The following ARID4B variants were observed in gnomAD, a reference collection of about 807,000 sequenced individuals.
ARID4B encodes the protein AT-rich interactive domain-containing protein 4B.
ARID4B carries 26 observed loss-of-function variants against 147.5 expected under a neutral mutation model. That is an observed-to-expected ratio of 0.18 (90% CI 0.13 to 0.24). ARID4B has a LOEUF of 0.24. ARID4B is among the 10% of genes least tolerant of loss of function. The probability of loss-of-function intolerance (pLI) is 1.00; values close to 1 mark genes in which losing one functional copy is unlikely to be tolerated. For missense variants in ARID4B, 1,179 were observed against 1,511.5 expected (o/e 0.78, Z 3.65); for synonymous variants, 512 against 507.9 (o/e 1.01, Z -0.11).
At chr1:235,300,628 T>A (rs1004194976) in intron 2 of ARID4B, among the ~76,000 whole-genome samples, 68 of 152,300 alleles carry the variant, frequency 4.5e-4, no homozygotes, top group Admixed American at 4.3e-3. Flanking sequence ...TCATCATTTT[T>A]AATTATTATT....
At chr1:235,261,980 T>C (rs761546533) in intron 2 of ARID4B, among the ~76,000 whole-genome samples, 61 of 152,328 alleles carry the variant, frequency 4.0e-4, no homozygotes, top group Admixed American at 3.3e-4. Flanking sequence ...GATTCATAAA[T>C]GTAAGCTAAA....
Position 235,222,062 on chromosome 1 carries a change from A to G in ARID4B, c.1066-400T>C, listed in dbSNP as rs761715367. 3.5e-4 allele frequency among the ~76,000 whole-genome samples: 53 copies of G among 151,734 alleles called. 1 individual carries two copies. Among genetic ancestry groups the G allele is most frequent in the Admixed American group, 3.4e-3 (52 of 15,250 alleles). On this transcript the variant is annotated intron_variant, in intron 13 of 23. Transcript: ENST00000264183. ...GTAGCTGGGACTATAGATGCACACC[A>G]CCACACCTGGCTAATTAAAAAATTT...
intron 19 of ARID4B, among the ~76,000 whole-genome samples, chr1:235,185,042 CTT>C (rs1052748198): frequency 1.3e-5 from 2 of 152,186 alleles, no homozygotes; most frequent in African/African-American, 4.8e-5. Context: ...ATCTCGAACT[CTT>C]GACCCCAAGT....
At chr1:235,249,033 AAAGAATACCAGAT>A (rs1669474855) in intron 6 of ARID4B, among the ~76,000 whole-genome samples, 1 of 152,204 alleles carries the variant, frequency 6.6e-6, no homozygotes, top group African/African-American at 2.4e-5. Context: ...AAATACAAAG[AAAGAATACCAGAT>A]AATTGGCTGG....
At chr1:235,190,309 G>A (rs973516689) in intron 19 of ARID4B, among the ~76,000 whole-genome samples, 11 of 152,032 alleles carry the variant, frequency 7.2e-5, no homozygotes, top group African/African-American at 1.4e-4. Flanking sequence ...CTAGCCAGGC[G>A]TGGTGGCAGG....
In ARID4B at chr1:235,168,766, CT is replaced by C. The variant is rs1663113873; in HGVS notation, c.3812-115del. On this transcript the variant is annotated intron_variant, in intron 23 of 23. Coordinates refer to ENST00000264183, the MANE Select transcript of ARID4B (RefSeq NM_016374.6). ...CGCTATATTGTCCAAAATCATTTAG[CT>C]TACAACAACAGTGGTCAATTCTCAC... 2.7e-6 allele frequency: 3 copies of C among 1,114,746 alleles called. No homozygotes were observed. In the South Asian group the frequency reaches 4.9e-5, roughly 18 times the overall value. 69.1% of individuals were successfully genotyped at this position (1,114,746 alleles called of 1,614,324 possible). A position where few individuals can be genotyped will look rare whatever the true frequency, so the allele number is the denominator to read the frequency against.
At chr1:235,179,130 C>G (rs1321823605) in intron 20 of ARID4B, among the ~76,000 whole-genome samples, 1 of 152,104 alleles carries the variant, frequency 6.6e-6, no homozygotes. Context: ...GAGGAAAAAA[C>G]TACATCTAAA....
intron 2 of ARID4B, among the ~76,000 whole-genome samples, chr1:235,315,968 C>G (rs1163462066): frequency 6.6e-6 from 1 of 151,924 alleles, no homozygotes; most frequent in Non-Finnish European, 1.5e-5. Context: ...TCACTCAAGC[C>G]TAGGAGTTCG....
rs190376906 is a variant in ARID4B at position 235,239,299 on chromosome 1, A to C, written c.585+1014T>G. Among the ~76,000 whole-genome samples the C allele has an allele frequency of 5.6e-4, 85 of 152,286 alleles. No individual in the cohort carries two copies. In the East Asian group the frequency reaches 0.014, roughly 24 times the overall value. On this transcript the variant is annotated intron_variant, in intron 8 of 23. Coordinates refer to ENST00000264183, the MANE Select transcript of ARID4B (RefSeq NM_016374.6). ...AGATAATTCTTAAGAGATACTGATT[A>C]TTAACTTCAGTCTCCTACTTGAAAT...
intron 2 of ARID4B, among the ~76,000 whole-genome samples, chr1:235,281,307 T>C (rs1671655011): frequency 2.6e-5 from 4 of 151,922 alleles, no homozygotes; most frequent in Admixed American, 2.6e-4. Flanking sequence ...TCTCAGCACT[T>C]TGGGAGGCTG....
intron 2 of ARID4B, among the ~76,000 whole-genome samples, chr1:235,323,320 C>T (rs1674980833): frequency 6.6e-6 from 1 of 152,014 alleles, no homozygotes. Flanking sequence ...GGATTACAAG[C>T]ATGAGCCACC....
At position 235,291,529 on chromosome 1, in the gene ARID4B, A is replaced by C. The variant is rs573078687; in HGVS notation, c.7-30777T>G. 1.7e-4 allele frequency among the ~76,000 whole-genome samples: 26 copies of C among 152,064 alleles called. No homozygotes were observed. In the South Asian group the frequency reaches 5.4e-3, roughly 32 times the overall value. ...TTGGTGTGCAAGTTATACCTCAATA[A>C]AAGTTGTTAATAAGAACACACAAGG... On this transcript the variant is annotated intron_variant, in intron 2 of 23. Coordinates refer to ENST00000264183, the MANE Select transcript of ARID4B (RefSeq NM_016374.6).
intron 2 of ARID4B, among the ~76,000 whole-genome samples, chr1:235,297,204 A>T (rs538914718): frequency 4.6e-5 from 7 of 152,170 alleles, no homozygotes; most frequent in Non-Finnish European, 8.8e-5. Flanking sequence ...CCAACTGGCC[A>T]AAGATGAGAC....
chr1:235,243,203 T>C (rs1669104861), intron 7 of ARID4B, among the ~76,000 whole-genome samples: 1 of 152,166 alleles, frequency 6.6e-6, no homozygotes, highest in African/African-American at 2.4e-5. Context: ...TTTATTATGG[T>C]ATTTCTGATT....
At chr1:235,230,388 G>A (rs995242519) in intron 10 of ARID4B, among the ~76,000 whole-genome samples, 24 of 150,444 alleles carry the variant, frequency 1.6e-4, no homozygotes, top group East Asian at 1.9e-4. Context: ...CAACCTGGGC[G>A]ACAGAGCAAG....
intron 7 of ARID4B, among the ~76,000 whole-genome samples, chr1:235,245,722 G>C (rs1424948441): frequency 6.6e-6 from 1 of 152,056 alleles, no homozygotes. Context: ...GTCAGTATAT[G>C]ATGTTGATTA....
chr1:235,186,442 G>T (rs1034868297), intron 19 of ARID4B, among the ~76,000 whole-genome samples: 1 of 147,324 alleles, frequency 6.8e-6, no homozygotes, highest in East Asian at 2.0e-4. Flanking sequence ...ACAGAGTCTC[G>T]CTCTGTTGCC....
At chr1:235,188,941 A>C (rs968809369) in intron 19 of ARID4B, among the ~76,000 whole-genome samples, 1 of 152,150 alleles carries the variant, frequency 6.6e-6, no homozygotes, top group East Asian at 1.9e-4. Context: ...AAACAACAAC[A>C]CAGAAAAAAG....
At chr1:235,207,107 G>C (rs374847426) in intron 17 of ARID4B, among the ~76,000 whole-genome samples, 140 of 152,274 alleles carry the variant, frequency 9.2e-4, no homozygotes, top group African/African-American at 3.2e-3. Flanking sequence ...GGCAGCAAAC[G>C]CAGTTAGGTA....
Sources: allele counts gnomAD v4.1 joint callset (sites outside exome capture counted in the v4.1 genomes callset), GRCh38; gene constraint gnomAD v4.1.1; transcripts MANE v1.5; gene names NCBI Gene and HGNC (gene_info 2026-07-23, HGNC 2026-07-21).